Variants in ROCK2 observed in about 807,000 individuals in gnomAD.
ROCK2 encodes the protein rho-associated protein kinase 2.
In ROCK2, 61 loss-of-function variants were observed where a neutral mutation model predicts 195.1. The ratio of observed to expected loss-of-function variants is 0.31; its 90% CI spans 0.25 to 0.39. The LOEUF is 0.39. Ranked by LOEUF, ROCK2 falls within the 10% of genes least tolerant of loss-of-function variation. ROCK2 has a pLI of 1.00. For synonymous variants in ROCK2, 504 were observed against 545.5 expected, an observed-to-expected ratio of 0.92 and a Z score of 1.06; for missense variants, 1,109 against 1,637.4, an observed-to-expected ratio of 0.68 and a Z score of 5.57.
At chr2:11,204,489 A>C (rs1320800717) in intron 20 of ROCK2, among the ~76,000 whole-genome samples, 2 of 151,974 alleles carry the variant, frequency 1.3e-5, no homozygotes, top group African/African-American at 4.8e-5. Context: ...AGCTAGGGGA[A>C]ATTCTTCTCT....
rs568836153 is a variant in ROCK2, at chr2:11,216,648, T to C, written c.1412+442A>G. Among the ~76,000 whole-genome samples, 9 of 152,088 alleles carry C rather than the reference T, an allele frequency of 5.9e-5. No individual in the cohort carries two copies. In the South Asian group the frequency reaches 1.9e-3, roughly 32 times the overall value. On this transcript the variant is annotated intron_variant, in intron 12 of 32. Coordinates refer to ENST00000315872, the MANE Select transcript of ROCK2 (RefSeq NM_004850.5). ...GCCTCAGCCTCCCAAGTAATTCCCT[T>C]GACCTCCCAAAGTGTTGGGATTACA... is the stretch of plus-strand genomic sequence containing the variant.
intron 1 of ROCK2, among the ~76,000 whole-genome samples, chr2:11,327,126 C>T (rs750742492): frequency 2.0e-5 from 3 of 152,078 alleles, no homozygotes; most frequent in Non-Finnish European, 2.9e-5. Context: ...GCCAAAGAGA[C>T]AAACTGATCC....
intron 6 of ROCK2, among the ~76,000 whole-genome samples, chr2:11,226,942 A>T (rs1484509719): frequency 6.6e-6 from 1 of 150,910 alleles, no homozygotes; most frequent in Non-Finnish European, 1.5e-5. Flanking sequence ...AAAGAAGGAA[A>T]ATCTTAGAAT....
At chr2:11,295,921 C>T (rs1667497764) in intron 1 of ROCK2, among the ~76,000 whole-genome samples, 1 of 146,226 alleles carries the variant, frequency 6.8e-6, no homozygotes, top group Non-Finnish European at 1.5e-5. Flanking sequence ...CGCGCCACTG[C>T]ACTCCAGCCT....
At chr2:11,209,996 T>C (rs926305717) in intron 18 of ROCK2, among the ~76,000 whole-genome samples, 2 of 152,218 alleles carry the variant, frequency 1.3e-5, no homozygotes, top group East Asian at 1.9e-4. Context: ...CAAGGTCACA[T>C]AGCTAGTAAT....
intron 4 of ROCK2, among the ~76,000 whole-genome samples, chr2:11,248,517 G>C (rs745874313): frequency 6.6e-6 from 1 of 151,726 alleles, no homozygotes; most frequent in Admixed American, 6.6e-5. Flanking sequence ...AGACCAGCCT[G>C]GCCAACATGG....
intron 1 of ROCK2, among the ~76,000 whole-genome samples, chr2:11,320,891 C>T (rs368979835): frequency 2.6e-5 from 4 of 152,288 alleles, no homozygotes; most frequent in Non-Finnish European, 5.9e-5. Context: ...GTTAACAGAA[C>T]AGAGTACCAG....
chr2:11,286,437 G>A (rs761491067), intron 3 of ROCK2, 102 bp downstream of exon 3: 3 of 719,230 alleles, frequency 4.2e-6, no homozygotes, highest in Non-Finnish European at 7.2e-6. Flanking sequence ...GCCACCTTCT[G>A]GCATGGGTGG....
chr2:11,322,201 A>G (rs1053858213), intron 1 of ROCK2, among the ~76,000 whole-genome samples: 3 of 152,174 alleles, frequency 2.0e-5, no homozygotes, highest in Admixed American at 1.3e-4. Flanking sequence ...CAAAAACAAA[A>G]CAAACAATGG....
At position 11,227,242 on chromosome 2, in the gene ROCK2, A is replaced by C; in HGVS notation, c.868+12T>G. 2 of 1,600,978 alleles carry C rather than the reference A, an allele frequency of 1.2e-6. No individual in the cohort carries two copies. The highest frequency in any genetic ancestry group is 2.3e-5 in the South Asian group (2 of 88,410). Reference sequence around the variant, plus strand: ...AAGCATTTTGAAAAAAGAAGTTAAAATATTTACTTACCCACTAGCATCTCA... The same window carrying C: ...AAGCATTTTGAAAAAAGAAGTTAAACTATTTACTTACCCACTAGCATCTCA... On this transcript the variant is annotated intron_variant, in intron 6 of 32. Coordinates refer to ENST00000315872, the MANE Select transcript of ROCK2 (RefSeq NM_004850.5).
At chr2:11,287,911 C>T (rs1336995016) in intron 1 of ROCK2, among the ~76,000 whole-genome samples, 175 bp from the exon 2 acceptor site, 3 of 152,144 alleles carry the variant, frequency 2.0e-5, no homozygotes, top group Non-Finnish European at 2.9e-5. Context: ...TAACCTCTGT[C>T]AGAGAATATT....
intron 3 of ROCK2, among the ~76,000 whole-genome samples, chr2:11,281,079 C>T (rs944971389): frequency 6.6e-6 from 1 of 151,926 alleles, no homozygotes; most frequent in African/African-American, 2.4e-5. Context: ...TACAGGTATA[C>T]AAGACTGGTT....
At chr2:11,208,520 G>A in intron 18 of ROCK2, 73 bp from the exon 19 acceptor site, 1 of 786,936 alleles carries the variant, frequency 1.3e-6, no homozygotes, top group Non-Finnish European at 1.8e-6. Flanking sequence ...GTAAGTAAAA[G>A]CACATTAAAT....
intron 3 of ROCK2, among the ~76,000 whole-genome samples, chr2:11,255,348 C>A (rs979159025): frequency 6.7e-5 from 10 of 149,534 alleles, no homozygotes; most frequent in Non-Finnish European, 1.3e-4. Flanking sequence ...GAATGAAAAT[C>A]AATAGTATTC....
intron 3 of ROCK2, among the ~76,000 whole-genome samples, chr2:11,267,146 T>C (rs939189194): frequency 2.6e-5 from 4 of 152,238 alleles, no homozygotes; most frequent in East Asian, 1.9e-4. Context: ...ACTACACAGG[T>C]ATGCAGAAAC....
chr2:11,275,257 CAAAAA>C (rs71393869), intron 3 of ROCK2, among the ~76,000 whole-genome samples: 1 of 110,558 alleles, frequency 9.0e-6, no homozygotes. Flanking sequence ...GACTTCATGT[CAAAAA>C]AAAAAAAAAA....
intron 1 of ROCK2, among the ~76,000 whole-genome samples, chr2:11,320,614 G>A (rs1437032418): frequency 6.6e-6 from 1 of 152,126 alleles, no homozygotes; most frequent in Admixed American, 6.6e-5. Context: ...TAATGCTTAG[G>A]GAGTTAAAAT....
chr2:11,211,657 A>G (rs1342705241), intron 18 of ROCK2, 24 bp downstream of exon 18: 2 of 1,560,482 alleles, frequency 1.3e-6, no homozygotes, highest in Admixed American at 3.8e-5. Flanking sequence ...CGCTGCTGGA[A>G]AACCCTCTTT....
intron 7 of ROCK2, among the ~76,000 whole-genome samples, chr2:11,223,723 T>C (rs1558305586): frequency 6.6e-6 from 1 of 152,278 alleles, no homozygotes; most frequent in East Asian, 1.9e-4. Context: ...ATCACAAATA[T>C]AAAACGGGAC....
Sources: gnomAD v4.1 joint callset for allele counts (sites outside exome capture counted in the v4.1 genomes callset) on GRCh38, gnomAD v4.1.1 for gene constraint, MANE v1.5 for transcripts, NCBI Gene and HGNC (gene_info 2026-07-23, HGNC 2026-07-21) for gene names.